Variants in PARN observed in about 807,000 individuals in gnomAD.
The protein encoded by PARN is poly(A)-specific ribonuclease PARN.
PARN carries 71 observed loss-of-function variants against 102.8 expected under a neutral mutation model. The ratio of observed to expected loss-of-function variants is 0.69; its 90% CI spans 0.57 to 0.84. PARN has a LOEUF of 0.84. Among genes scored for constraint, PARN ranks in the 40% least tolerant of loss-of-function variants. PARN has a pLI of 0.00. For missense variants in PARN, 782 were observed against 760.9 expected (o/e 1.03, Z -0.33); for synonymous variants, 261 against 252.9 (o/e 1.03, Z -0.30).
chr16:14,596,102 CACCTAGGGCCAGAAGCAGTA>C (rs1393930898), intron 12 of PARN, among the ~76,000 whole-genome samples: 1 of 152,138 alleles, frequency 6.6e-6, no homozygotes, highest in Non-Finnish European at 1.5e-5. Flanking sequence ...GCAATAATAT[CACCTAGGGCCAGAAGCAGTA>C]ACCTAGGGCC....
At chr16:14,597,954 G>A (rs1253096808) in intron 12 of PARN, among the ~76,000 whole-genome samples, 1 of 151,946 alleles carries the variant, frequency 6.6e-6, no homozygotes, top group East Asian at 1.9e-4. Flanking sequence ...GGCCAGCCTG[G>A]CCAACATGGT....
At chr16:14,501,723 C>G (rs1596526898) in intron 21 of PARN, 1 of 152,158 alleles carries the variant, frequency 6.6e-6, no homozygotes, top group East Asian at 1.9e-4. Flanking sequence ...TCATCTGTTC[C>G]CCCGCTCACA....
At chr16:14,495,835 G>C (rs566139176) in intron 21 of PARN, among the ~76,000 whole-genome samples, 409 of 152,278 alleles carry the variant, frequency 2.7e-3, no homozygotes, top group Non-Finnish European at 4.1e-3. Flanking sequence ...GGAGGGAGGT[G>C]TGTGCGCGGA....
intron 21 of PARN, among the ~76,000 whole-genome samples, chr16:14,494,143 G>C (rs1964193011): frequency 6.6e-6 from 1 of 152,198 alleles, no homozygotes; most frequent in Admixed American, 6.5e-5. Context: ...TGGGGGACCT[G>C]AGTACGTGAG....
At chr16:14,582,395 AG>A (rs1969588770) in intron 16 of PARN, 104 bp from the exon 17 acceptor site, 15 of 745,784 alleles carry the variant, frequency 2.0e-5, no homozygotes, top group Non-Finnish European at 3.4e-5. Context: ...TACCCTAAAT[AG>A]GCAGAAAAAA....
chr16:14,442,602 C>CCT (rs892656192), intron 23 of PARN, among the ~76,000 whole-genome samples: 1 of 148,274 alleles, frequency 6.7e-6, no homozygotes, highest in Non-Finnish European at 1.5e-5. Context: ...CTCCCTCCCT[C>CCT]CTCTCTCTTT....
intron 21 of PARN, among the ~76,000 whole-genome samples, chr16:14,533,096 T>A (rs1217107767): frequency 6.6e-6 from 1 of 152,044 alleles, no homozygotes; most frequent in Non-Finnish European, 1.5e-5. Context: ...ATCACGCCAC[T>A]GCACTCCAGC....
At chr16:14,538,969 T>A (rs1366722964) in intron 21 of PARN, among the ~76,000 whole-genome samples, 2 of 152,152 alleles carry the variant, frequency 1.3e-5, no homozygotes, top group Non-Finnish European at 2.9e-5. Context: ...TGTCACTGTC[T>A]CCCATCACCC....
chr16:14,554,178 T>C (rs1010988985), intron 19 of PARN, 27 bp from the exon 20 acceptor site: 9 of 1,481,492 alleles, frequency 6.1e-6, no homozygotes, highest in South Asian at 3.5e-5. Context: ...TGATGAAATA[T>C]TGATGGGTGA....
At chr16:14,623,437 C>G (rs902721817) in intron 5 of PARN, among the ~76,000 whole-genome samples, 1 of 151,968 alleles carries the variant, frequency 6.6e-6, no homozygotes, top group Non-Finnish European at 1.5e-5. Flanking sequence ...TCGCTTGAAC[C>G]CAGGAGGTGG....
intron 22 of PARN, among the ~76,000 whole-genome samples, chr16:14,471,162 C>T (rs2151584253): frequency 6.6e-6 from 1 of 152,220 alleles, no homozygotes; most frequent in Admixed American, 6.5e-5. Flanking sequence ...GTTGACACTT[C>T]ACACTCTCAC....
At chr16:14,530,668 C>T (rs1966275448) in intron 21 of PARN, among the ~76,000 whole-genome samples, 1 of 152,134 alleles carries the variant, frequency 6.6e-6, no homozygotes. Flanking sequence ...GCAACCCTCA[C>T]TGGGTGAACA....
chr16:14,450,908 G>C (rs1255881022), intron 22 of PARN, among the ~76,000 whole-genome samples: 1 of 146,636 alleles, frequency 6.8e-6, no homozygotes, highest in Non-Finnish European at 1.5e-5. Flanking sequence ...CTGAATCATT[G>C]AAAAAAAAAA....
intron 3 of PARN, among the ~76,000 whole-genome samples, 177 bp downstream of exon 3, chr16:14,627,995 G>A (rs1313069358): frequency 3.9e-5 from 6 of 151,904 alleles, no homozygotes; most frequent in South Asian, 2.1e-4. Flanking sequence ...GTGACAGAGC[G>A]AGACCTTGTC....
intron 21 of PARN, among the ~76,000 whole-genome samples, chr16:14,499,311 G>A (rs544746402): frequency 6.6e-6 from 1 of 152,262 alleles, no homozygotes; most frequent in South Asian, 2.1e-4. Context: ...ATGGGAGAAG[G>A]AGAAAGTAGG....
At chr16:14,508,832 G>A (rs751529583) in intron 21 of PARN, among the ~76,000 whole-genome samples, 1 of 151,340 alleles carries the variant, frequency 6.6e-6, no homozygotes, top group Non-Finnish European at 1.5e-5. Flanking sequence ...GGCTGATGTG[G>A]GAGGATCACT....
chr16:14,505,104 A>G (rs779239099), intron 21 of PARN, among the ~76,000 whole-genome samples: 1 of 152,282 alleles, frequency 6.6e-6, no homozygotes, highest in South Asian at 2.1e-4. Context: ...GATAAATTAC[A>G]TATCACTGTT....
chr16:14,525,507 T>TCTTG, intron 21 of PARN, among the ~76,000 whole-genome samples: 1 of 152,200 alleles, frequency 6.6e-6, no homozygotes, highest in South Asian at 2.1e-4. Context: ...GGACCATGAA[T>TCTTG]CAAGCTTCCA....
At chr16:14,497,478 T>C (rs946655608) in intron 21 of PARN, among the ~76,000 whole-genome samples, 4 of 152,162 alleles carry the variant, frequency 2.6e-5, no homozygotes, top group African/African-American at 4.8e-5. Context: ...ATATACCTAA[T>C]AGGCACACAC....
Sources: gnomAD v4.1 joint callset for allele counts (sites outside exome capture counted in the v4.1 genomes callset) on GRCh38, gnomAD v4.1.1 for gene constraint, MANE v1.5 for transcripts, NCBI Gene and HGNC (gene_info 2026-07-23, HGNC 2026-07-21) for gene names.